Variants in KCNQ5 observed in about 807,000 individuals in gnomAD.
KCNQ5 encodes potassium voltage-gated channel subfamily Q member 5.
Under a neutral mutation model 98.2 loss-of-function variants are expected in KCNQ5, and 30 were observed. The ratio of observed to expected loss-of-function variants is 0.31; its 90% CI spans 0.23 to 0.41. The LOEUF is 0.41. Among genes scored for constraint, KCNQ5 ranks in the 10% least tolerant of loss-of-function variants. The pLI, the probability that KCNQ5 is intolerant of heterozygous loss-of-function variation, is 1.00. For synonymous variants in KCNQ5, 458 were observed against 449.4 expected, an observed-to-expected ratio of 1.02 and a Z score of -0.24; for missense variants, 835 against 1,182.5, an observed-to-expected ratio of 0.71 and a Z score of 4.31.
chr6:72,854,394 G>C (rs1333710344), intron 1 of KCNQ5, among the ~76,000 whole-genome samples: 1 of 151,690 alleles, frequency 6.6e-6, no homozygotes, highest in Admixed American at 6.6e-5. Flanking sequence ...TATTATCTGT[G>C]ATCGCAAAAC....
intron 1 of KCNQ5, among the ~76,000 whole-genome samples, chr6:73,002,309 A>G (rs1357774817): frequency 2.0e-5 from 3 of 152,136 alleles, no homozygotes; most frequent in Non-Finnish European, 2.9e-5. Flanking sequence ...CACCATTCTC[A>G]TCTCTGATGC....
chr6:73,058,731 A>C (rs192354248), intron 3 of KCNQ5, among the ~76,000 whole-genome samples: 27 of 152,274 alleles, frequency 1.8e-4, no homozygotes, highest in African/African-American at 6.0e-4. Flanking sequence ...AAAACAAACA[A>C]CACCATTAAA....
chr6:72,748,920 G>A (rs965153661), intron 1 of KCNQ5, among the ~76,000 whole-genome samples: 1 of 152,098 alleles, frequency 6.6e-6, no homozygotes, highest in Non-Finnish European at 1.5e-5. Flanking sequence ...ACATGAATGT[G>A]TTTCATTCAG....
chr6:72,860,400 G>T (rs947929618), intron 1 of KCNQ5, among the ~76,000 whole-genome samples: 2 of 151,988 alleles, frequency 1.3e-5, no homozygotes, highest in African/African-American at 4.8e-5. Flanking sequence ...TAGAATACAG[G>T]AATTGGAGTC....
intron 1 of KCNQ5, among the ~76,000 whole-genome samples, chr6:72,798,697 A>G (rs1180401139): frequency 6.6e-6 from 1 of 152,206 alleles, no homozygotes; most frequent in Non-Finnish European, 1.5e-5. Flanking sequence ...TTAGTGTAAT[A>G]CATAATTCAT....
At chr6:72,839,618 G>A (rs144474520) in intron 1 of KCNQ5, among the ~76,000 whole-genome samples, 1 of 152,244 alleles carries the variant, frequency 6.6e-6, no homozygotes, top group East Asian at 1.9e-4. Context: ...GTTATTGGTA[G>A]CTCAGTTCAC....
chr6:72,737,084 C>A (rs1007110164), intron 1 of KCNQ5, among the ~76,000 whole-genome samples: 1 of 152,088 alleles, frequency 6.6e-6, no homozygotes, highest in African/African-American at 2.4e-5. Flanking sequence ...CCTCAGCCTC[C>A]CAAGTAGCTG....
At chr6:73,057,382 T>C (rs1772567274) in intron 3 of KCNQ5, among the ~76,000 whole-genome samples, 1 of 151,790 alleles carries the variant, frequency 6.6e-6, no homozygotes, top group Non-Finnish European at 1.5e-5. Flanking sequence ...CTAATGTAAA[T>C]GACAAGTTAA....
intron 5 of KCNQ5, among the ~76,000 whole-genome samples, chr6:73,084,018 G>A (rs1353294902): frequency 1.3e-5 from 2 of 152,122 alleles, no homozygotes; most frequent in African/African-American, 4.8e-5. Context: ...AGTTCTTTCT[G>A]TCATCCCAAA....
chr6:72,860,319 A>G (rs2150152177), intron 1 of KCNQ5, among the ~76,000 whole-genome samples: 1 of 151,850 alleles, frequency 6.6e-6, no homozygotes, highest in South Asian at 2.1e-4. Flanking sequence ...ACTCTATTCC[A>G]ATTCGGTTAT....
intron 1 of KCNQ5, among the ~76,000 whole-genome samples, chr6:72,859,215 A>C (rs1193260194): frequency 2.0e-5 from 3 of 152,114 alleles, no homozygotes; most frequent in Admixed American, 2.0e-4. Flanking sequence ...TTTTATTATA[A>C]TAGAGTTCTA....
At chr6:72,936,959 A>G (rs1338735165) in intron 1 of KCNQ5, among the ~76,000 whole-genome samples, 1 of 152,094 alleles carries the variant, frequency 6.6e-6, no homozygotes, top group African/African-American at 2.4e-5. Flanking sequence ...TCATTTGTGT[A>G]TTTTGCATAA....
At chr6:72,959,948 G>A (rs1390996320) in intron 1 of KCNQ5, among the ~76,000 whole-genome samples, 1 of 152,168 alleles carries the variant, frequency 6.6e-6, no homozygotes. Flanking sequence ...AATAAATGTA[G>A]AGAGATTTTA....
chr6:72,973,195 C>T lies in KCNQ5; in HGVS notation c.399-30713C>T, dbSNP rs954409707. ...TTATTGGTCATAGGTTACAGGTTAT[C>T]ATAGTCATATCATATTGATAGGCCT... On this transcript the variant is annotated intron_variant, in intron 1 of 13. Transcript: ENST00000370398. Among the ~76,000 whole-genome samples, 3 of 152,160 alleles carry T rather than the reference C, an allele frequency of 2.0e-5. No homozygotes were observed. The South Asian group carries it at 6.2e-4, about 32-fold the overall frequency.
chr6:72,808,823 G>A (rs921996716), intron 1 of KCNQ5, among the ~76,000 whole-genome samples: 1 of 152,016 alleles, frequency 6.6e-6, no homozygotes, highest in Non-Finnish European at 1.5e-5. Flanking sequence ...CATTGTGGAA[G>A]TCAGTGTGGT....
At chr6:72,809,585 C>A (rs192542709) in intron 1 of KCNQ5, among the ~76,000 whole-genome samples, 2 of 152,022 alleles carry the variant, frequency 1.3e-5, no homozygotes, top group Admixed American at 1.3e-4. Context: ...TTTTTTGAGT[C>A]ATGTCTATGT....
chr6:73,061,166 C>G (rs574082787), intron 3 of KCNQ5, among the ~76,000 whole-genome samples: 8 of 152,168 alleles, frequency 5.3e-5, no homozygotes, highest in Admixed American at 5.2e-4. Flanking sequence ...TAGTGTGCTA[C>G]TTTTGTGTAA....
rs149343973 is a variant in KCNQ5 at position 72,654,047 on chromosome 6, G to T, written c.398+31460G>T. 8.1e-4 allele frequency among the ~76,000 whole-genome samples: 123 copies of T among 152,134 alleles called. No homozygotes were observed. The Middle Eastern group carries it at 0.01, about 13-fold the overall frequency. On this transcript the variant is annotated intron_variant, in intron 1 of 13. Coordinates refer to ENST00000370398, the MANE Select transcript of KCNQ5 (RefSeq NM_019842.4). ...AATGAATACTTGATACTGTGATTGA[G>T]TACATGCTATGACTATAACCCAGAA...
intron 1 of KCNQ5, among the ~76,000 whole-genome samples, chr6:72,909,003 A>G (rs1169809559): frequency 6.6e-6 from 1 of 152,176 alleles, no homozygotes; most frequent in Non-Finnish European, 1.5e-5. Flanking sequence ...TTAAAAATAT[A>G]TGCATATAAT....
Sources: allele counts gnomAD v4.1 joint callset (sites outside exome capture counted in the v4.1 genomes callset), GRCh38; gene constraint gnomAD v4.1.1; transcripts MANE v1.5; gene names NCBI Gene and HGNC (gene_info 2026-07-23, HGNC 2026-07-21).